SUMF1: variants seen among roughly 807,000 people sequenced by gnomAD.
SUMF1 encodes formylglycine-generating enzyme.
A neutral mutation model predicts 47.6 loss-of-function variants in SUMF1; 48 were observed. That is an observed-to-expected ratio of 1.01 (90% CI 0.80 to 1.28). The LOEUF (loss-of-function observed/expected upper bound fraction) is 1.28. Among genes scored for constraint, SUMF1 ranks in the 50% most tolerant of loss-of-function variants. The probability of loss-of-function intolerance (pLI) is 0.00; values close to 1 mark genes in which losing one functional copy is unlikely to be tolerated. For missense variants in SUMF1, 571 were observed against 485.4 expected, an observed-to-expected ratio of 1.18 and a Z score of -1.66; for synonymous variants, 230 against 192.1, an observed-to-expected ratio of 1.20 and a Z score of -1.63.
intron 1 of SUMF1, among the ~76,000 whole-genome samples, chr3:4,455,476 G>A (rs1241421703): frequency 6.6e-6 from 1 of 152,210 alleles, no homozygotes; most frequent in Non-Finnish European, 1.5e-5. Context: ...AGCACTTTGG[G>A]AGGCCGAGGC....
At chr3:4,039,208 AATT>A (rs1487999425) in intron 9 of SUMF1, among the ~76,000 whole-genome samples, 20 of 46,186 alleles carry the variant, frequency 4.3e-4, no homozygotes, top group South Asian at 3.2e-3. Context: ...CATCTATGCA[AATT>A]TTTTTTTTTT....
chr3:4,256,632 C>T (rs1390887082), intron 8 of SUMF1, among the ~76,000 whole-genome samples: 1 of 151,336 alleles, frequency 6.6e-6, no homozygotes, highest in Non-Finnish European at 1.5e-5. Context: ...CAATAGTTTA[C>T]CAACCAAATA....
At position 4,362,013 on chromosome 3, in the gene SUMF1, G is replaced by T; in HGVS notation, c.*131C>A. On this transcript the variant is annotated 3_prime_UTR_variant, in exon 9 of 9. Transcript: ENST00000272902. ...TTTGGTCTCACAAGGCGGTTCCTTT[G>T]GCCATTGGGCAGGTATGTAACCCAC... 2 of 826,080 alleles carry T rather than the reference G, an allele frequency of 2.4e-6. No homozygotes were observed. Among genetic ancestry groups the T allele is most frequent in the Non-Finnish European group, 4.0e-6 (2 of 502,006 alleles). 51.2% of individuals were successfully genotyped at this position (826,080 alleles called of 1,614,324 possible).
intron 3 of SUMF1, among the ~76,000 whole-genome samples, chr3:4,424,507 CTAGTGTTTTGGTCCAAAA>C (rs767889185): frequency 1.1e-4 from 16 of 152,112 alleles, no homozygotes; most frequent in Non-Finnish European, 2.2e-4. Context: ...AGGCCGCAAC[CTAGTGTTTTGGTCCAAAA>C]TAGTAAGACC....
chr3:4,217,968 C>A (rs553300760), intron 8 of SUMF1, among the ~76,000 whole-genome samples: 52 of 152,134 alleles, frequency 3.4e-4, no homozygotes, highest in African/African-American at 1.3e-3. Context: ...AATCCTGTTA[C>A]TTCAGTCAAA....
chr3:4,135,917 T>A (rs1335358265), intron 8 of SUMF1, among the ~76,000 whole-genome samples: 2 of 151,980 alleles, frequency 1.3e-5, no homozygotes, highest in East Asian at 1.9e-4. Context: ...CCAACTTACA[T>A]GGGATGTGAA....
chr3:4,324,220 TAA>T (rs57815089), intron 8 of SUMF1, among the ~76,000 whole-genome samples: 1,788 of 150,110 alleles, frequency 0.012, 18 homozygotes, highest in African/African-American at 0.036. Flanking sequence ...TGAAATTAAT[TAA>T]AAAAAAAATG....
At chr3:4,224,497 G>GA (rs1462651392) in intron 8 of SUMF1, among the ~76,000 whole-genome samples, 1 of 152,020 alleles carries the variant, frequency 6.6e-6, no homozygotes, top group African/African-American at 2.4e-5. Flanking sequence ...CACAGAGATA[G>GA]ACAGATGACC....
intron 8 of SUMF1, among the ~76,000 whole-genome samples, chr3:4,259,348 G>C (rs1697034864): frequency 6.6e-6 from 1 of 151,988 alleles, no homozygotes; most frequent in Non-Finnish European, 1.5e-5. Context: ...TGCAATTTTA[G>C]CTTACATTAA....
chr3:4,337,542 C>T (rs1358160143), intron 8 of SUMF1, among the ~76,000 whole-genome samples: 5 of 152,182 alleles, frequency 3.3e-5, no homozygotes, highest in Non-Finnish European at 7.4e-5. Flanking sequence ...TAATTCCAAC[C>T]CCACATGCCC....
Position 4,436,971 on chromosome 3 carries a change from A to G in SUMF1, c.519+12295T>C, listed in dbSNP as rs373204940. ...AAATAATGCCTTTAGTGTGCCAAAG[A>G]AAATAACTTCCAACCTAAAATTTTT... On this transcript the variant is annotated intron_variant, in intron 3 of 8. Transcript: ENST00000272902. Among the ~76,000 whole-genome samples, 174 of 152,354 alleles carry G rather than the reference A, an allele frequency of 1.1e-3. 1 individual carries two copies. Among genetic ancestry groups the G allele is most frequent in the African/African-American group, 4.1e-3 (172 of 41,586 alleles).
chr3:4,289,119 A>G (rs1300180626), intron 8 of SUMF1, among the ~76,000 whole-genome samples: 3 of 152,206 alleles, frequency 2.0e-5, no homozygotes, highest in African/African-American at 7.2e-5. Flanking sequence ...CCAAACCAGA[A>G]CTGAACAACA....
chr3:4,185,093 G>A (rs1695173535), intron 8 of SUMF1, among the ~76,000 whole-genome samples: 1 of 152,066 alleles, frequency 6.6e-6, no homozygotes, highest in South Asian at 2.1e-4. Context: ...GTAGTCTATG[G>A]CTTCATAACA....
chr3:4,409,148 G>C (rs752838725), intron 7 of SUMF1, among the ~76,000 whole-genome samples: 1 of 152,126 alleles, frequency 6.6e-6, no homozygotes, highest in Non-Finnish European at 1.5e-5. Context: ...GAGCCCTCTG[G>C]GAGGCTGCTG....
intron 9 of SUMF1, among the ~76,000 whole-genome samples, chr3:4,037,542 G>C (rs1694821118): frequency 6.6e-6 from 1 of 152,158 alleles, no homozygotes; most frequent in Non-Finnish European, 1.5e-5. Flanking sequence ...ATTTTCATCT[G>C]TCAACTCCTG....
At chr3:4,457,885 A>G (rs1345312636) in intron 1 of SUMF1, among the ~76,000 whole-genome samples, 1 of 152,208 alleles carries the variant, frequency 6.6e-6, no homozygotes, top group African/African-American at 2.4e-5. Flanking sequence ...AGCAAAAATA[A>G]ACAAATAGGA....
chr3:4,331,426 T>C (rs1016193844), intron 8 of SUMF1, among the ~76,000 whole-genome samples: 3 of 152,198 alleles, frequency 2.0e-5, no homozygotes, highest in Non-Finnish European at 2.9e-5. Flanking sequence ...CTCTTATTTT[T>C]AGTGAAAAAC....
At chr3:4,214,912 C>G (rs1695884027) in intron 8 of SUMF1, among the ~76,000 whole-genome samples, 1 of 152,064 alleles carries the variant, frequency 6.6e-6, no homozygotes, top group South Asian at 2.1e-4. Context: ...TAATAGCCCA[C>G]CAACCAAAAA....
At chr3:4,159,782 G>A (rs933233879) in intron 8 of SUMF1, among the ~76,000 whole-genome samples, 1 of 152,122 alleles carries the variant, frequency 6.6e-6, no homozygotes, top group Admixed American at 6.5e-5. Flanking sequence ...GCCTGAGAAA[G>A]TCTTAATTTC....
Sources: allele counts gnomAD v4.1 joint callset (sites outside exome capture counted in the v4.1 genomes callset), GRCh38; gene constraint gnomAD v4.1.1; transcripts MANE v1.5; gene names NCBI Gene and HGNC (gene_info 2026-07-23, HGNC 2026-07-21).